RBMXL3: variants seen among roughly 807,000 people sequenced by gnomAD.
The protein encoded by RBMXL3 is RBMX like 3.
In RBMXL3, 2 loss-of-function variants were observed where a neutral mutation model predicts 0.8. The observed-to-expected ratio is 2.54, with a 90% confidence interval of 1.04 to 8.00. RBMXL3 has a LOEUF of 8.00. Among genes scored for constraint, RBMXL3 ranks in the 30% most tolerant of loss-of-function variants. The probability of loss-of-function intolerance (pLI) is 0.04; values close to 1 mark genes in which losing one functional copy is unlikely to be tolerated. For synonymous variants in RBMXL3, 447 were observed against 449.8 expected, an observed-to-expected ratio of 0.99 and a Z score of 0.08; for missense variants, 1,127 against 1,068.0, an observed-to-expected ratio of 1.06 and a Z score of -0.77.
At position 115,192,522 on chromosome X, in the gene RBMXL3, G is replaced by A. The variant is rs1556561473; in HGVS notation, c.3081G>A (p.Leu1027=). ...GCAGACCGGATCGTGGGCTCCCTCT[G>A]CCCATGGAAACGGGCAGCCCTCCCC... ...RVGRPDRGLP[L]PMETGSPPLH... The change falls in exon 1 of 1, where the codon CTG becomes CTA. Residue 1027 remains leucine (L), a synonymous_variant. Coordinates refer to ENST00000424776, the MANE Select transcript of RBMXL3 (RefSeq NM_001145346.2). The A allele has an allele frequency of 1.7e-6, 2 of 1,169,680 alleles. No individual in the cohort carries two copies. The highest frequency in any genetic ancestry group is 3.2e-5 in the East Asian group (1 of 30,835).
rs782276686 is a variant in RBMXL3, at chrX:115,190,384, C to G, written c.943C>G (p.Pro315Ala). The change falls in exon 1 of 1, where the codon CCT becomes GCT. Residue 315 changes from proline to alanine, a missense_variant. Transcript: ENST00000424776. ...CTACGGAGGCCCATGCGGCGCTGCC[C>G]CTGTGTGGGGGACACCGCCATCTTA... ...KSYGGPCGAA[P>A]VWGTPPSYGG... 7 of 1,161,528 alleles carry G rather than the reference C, an allele frequency of 6.0e-6. No individual in the cohort carries two copies. The highest frequency in any genetic ancestry group is 8.0e-6 in the Non-Finnish European group (7 of 870,376).
chrX:115,192,471 C>G lies in RBMXL3; in HGVS notation c.3030C>G (p.Arg1010=), dbSNP rs782151608. The G allele has an allele frequency of 5.6e-5, 66 of 1,169,860 alleles. No individual in the cohort carries two copies. Among genetic ancestry groups the G allele is most frequent in the Non-Finnish European group, 7.0e-5 (61 of 874,693 alleles). ...GCAACAGTTACGGCCGGAGCGACCG[C>G]TACTCGAGGGGTCGAGACCGGGTAG... ...RSSNSYGRSD[R]YSRGRDRVGR... is the part of the protein sequence containing the mutation. The change falls in exon 1 of 1, where the codon CGC becomes CGG. Residue 1010 remains arginine, a synonymous_variant. Transcript: ENST00000424776.
rs1299982141 is a variant in RBMXL3 at position 115,192,850 on chromosome X, G to A, written c.*205G>A. 2 of 432,379 alleles carry A rather than the reference G, an allele frequency of 4.6e-6. No homozygotes were observed. Among genetic ancestry groups the A allele is most frequent in the Non-Finnish European group, 4.1e-6 (1 of 245,577 alleles). The allele number at this position is 432,379 out of a possible 1,213,427, so 35.6% of individuals were successfully genotyped here. A position where few individuals can be genotyped will look rare whatever the true frequency, so the allele number is the denominator to read the frequency against. On this transcript the variant is annotated 3_prime_UTR_variant, in exon 1 of 1. Coordinates refer to ENST00000424776, the MANE Select transcript of RBMXL3 (RefSeq NM_001145346.2). ...TTAATGTTTCTTTCAACAAGTTCTT[G>A]TTAAAAGTATAAGATATGAACCTGA... is the stretch of plus-strand genomic sequence containing the variant.
chrX:115,189,601 G>A lies in RBMXL3; in HGVS notation c.160G>A (p.Val54Ile), dbSNP rs1556556197. 3.4e-6 allele frequency: 4 copies of A among 1,169,925 alleles called. No individual in the cohort carries two copies. Among genetic ancestry groups the A allele is most frequent in the South Asian group, 3.8e-5 (2 of 52,806 alleles). Residue 54 changes from valine (V) to isoleucine (I), a missense_variant, in exon 1 of 1, where the codon GTC becomes ATC. By Grantham distance (29) the Val-to-Ile change is conservative (BLOSUM62 3). Coordinates refer to ENST00000424776, the MANE Select transcript of RBMXL3 (RefSeq NM_001145346.2). ...CAACAAGTCGAGGGGCTTCGCGTTC[G>A]TCACCTTCGAAAGCCCTGCAGACGC... ...KTNKSRGFAF[V>I]TFESPADAKA...
In RBMXL3 at chrX:115,189,832, C is replaced by T. The variant is rs782457452; in HGVS notation, c.391C>T (p.Arg131Cys). 1.4e-5 allele frequency: 16 copies of T among 1,166,286 alleles called. No homozygotes were observed. Among genetic ancestry groups the T allele is most frequent in the Middle Eastern group, 4.7e-4 (2 of 4,294 alleles). The change falls in exon 1 of 1, where the codon CGC (arginine) becomes TGC (cysteine). Residue 131 changes from arginine to cysteine, a missense_variant. Transcript: ENST00000424776. ...PPSQGRPDDG[R>C]GYAGYFDLWP... is the part of the protein sequence containing the mutation. ...CTCTCAGGGCAGGCCTGATGACGGC[C>T]GCGGCTACGCGGGGTATTTCGACCT...
chrX:115,192,329 G>T lies in RBMXL3; in HGVS notation c.2888G>T (p.Gly963Val). Residue 963 changes from glycine to valine, a missense_variant, in exon 1 of 1, where the codon GGC becomes GTC. Coordinates refer to ENST00000424776, the MANE Select transcript of RBMXL3 (RefSeq NM_001145346.2). ...RGPSPDAHSGGRDSSIKSYGL... is the reference protein window; with the variant it reads ...RGPSPDAHSGVRDSSIKSYGL... ...CCCTCGCCTGACGCCCACAGTGGGGGCCGCGACAGTTCCATCAAGAGTTAC... is the reference window on the plus strand; with the variant it reads ...CCCTCGCCTGACGCCCACAGTGGGGTCCGCGACAGTTCCATCAAGAGTTAC... 9.2e-7 allele frequency: 1 copy of T among 1,081,190 alleles called. No individual in the cohort carries two copies. The highest frequency in any genetic ancestry group is 1.2e-6 in the Non-Finnish European group (1 of 809,327). The allele number at this position is 1,081,190 out of a possible 1,213,427, so 89.1% of individuals were successfully genotyped here. A position where few individuals can be genotyped will look rare whatever the true frequency, so the allele number is the denominator to read the frequency against.
Position 115,191,403 on chromosome X carries a change from C to T in RBMXL3, c.1962C>T (p.His654=), listed in dbSNP as rs373728766. 522 of 1,152,703 alleles carry T rather than the reference C, an allele frequency of 4.5e-4. No homozygotes were observed. The African/African-American group carries it at 8.2e-3, about 18-fold the overall frequency. The allele number at this position is 1,152,703 out of a possible 1,213,427, so 95.0% of individuals were successfully genotyped here. A position where few individuals can be genotyped will look rare whatever the true frequency, so the allele number is the denominator to read the frequency against. ...CGCCTGATGCCTACAGTGGGGGCCA[C>T]GACAGTTCTGGCCAGAGCAACTGCT... is the stretch of plus-strand genomic sequence containing the variant. The part of the protein sequence containing the change: ...GRSPDAYSGG[H]DSSGQSNCYG... Residue 654 remains histidine (H), a synonymous_variant, in exon 1 of 1, where the codon CAC becomes CAT. Coordinates refer to ENST00000424776, the MANE Select transcript of RBMXL3 (RefSeq NM_001145346.2).
chrX:115,190,208 T>A lies in RBMXL3; in HGVS notation c.767T>A (p.Leu256His), dbSNP rs1016517358. 2 of 1,166,051 alleles carry A rather than the reference T, an allele frequency of 1.7e-6. No homozygotes were observed. Among genetic ancestry groups the A allele is most frequent in the Non-Finnish European group, 2.3e-6 (2 of 872,112 alleles). The change falls in exon 1 of 1, where the codon CTC becomes CAC. Residue 256 changes from leucine (L) to histidine (H), a missense_variant. By Grantham distance (99) the Leu-to-His change is moderately conservative. Transcript: ENST00000424776. ...CRDPGDFVPA[L>H]RDYSRRYYGH... ...GACCCTGGGGATTTTGTCCCTGCGCTCAGAGACTACAGCCGCCGCTATTAT... is the reference window on the plus strand; with the variant it reads ...GACCCTGGGGATTTTGTCCCTGCGCACAGAGACTACAGCCGCCGCTATTAT...
chrX:115,190,827 C>T lies in RBMXL3; in HGVS notation c.1386C>T (p.Ser462=), dbSNP rs950753970. The T allele has an allele frequency of 8.7e-6, 10 of 1,150,629 alleles. No homozygotes were observed. The highest frequency in any genetic ancestry group is 3.7e-5 in the African/African-American group (2 of 54,596). 94.8% of individuals were successfully genotyped at this position (1,150,629 alleles called of 1,213,427 possible). ...YSGGHDSSSW[S]DCCGGGGRYE... ...GGGGCCATGACAGTTCCAGCTGGAG[C>T]GACTGCTGCGGAGGAGGAGGCCGTT... Residue 462 remains serine, a synonymous_variant, in exon 1 of 1, where the codon AGC becomes AGT. Coordinates refer to ENST00000424776, the MANE Select transcript of RBMXL3 (RefSeq NM_001145346.2).
rs368956926 is a variant in RBMXL3, at chrX:115,191,924, C to T, written c.2483C>T (p.Ala828Val). The change falls in exon 1 of 1, where the codon GCC becomes GTC. Residue 828 changes from alanine to valine, a missense_variant. By Grantham distance (64) the Ala-to-Val change is moderately conservative. Transcript: ENST00000424776. ...GAGAACCGAGGTCACTCTCTCGATG[C>T]CAACAGCGGAGGCCACTCACCCAAC... ...YEENRGHSLDANSGGHSPNAY... is the reference protein window; with the variant it reads ...YEENRGHSLDVNSGGHSPNAY... The T allele has an allele frequency of 2.3e-5, 27 of 1,164,871 alleles. No individual in the cohort carries two copies. In the African/African-American group the frequency reaches 4.2e-4, roughly 18 times the overall value.
In RBMXL3 at chrX:115,191,215, G is replaced by T. The variant is rs200887025; in HGVS notation, c.1774G>T (p.Glu592Ter). ...SNRYGGGGCYEEYRGRSLDAN... is the reference protein window; with the variant it reads ...SNRYGGGGCY The stretch of plus-strand genomic sequence containing the variant: ...CCGCTACGGAGGAGGAGGCTGCTAC[G>T]AGGAGTACCGAGGCCGCTCCCTCGA... Residue 592 changes from glutamate (E) to a stop codon, truncating the protein, a stop_gained, in exon 1 of 1, where the codon GAG (glutamate) becomes TAG (stop). Coordinates refer to ENST00000424776, the MANE Select transcript of RBMXL3 (RefSeq NM_001145346.2). LOFTEE classifies it low-confidence loss of function (END_TRUNC). 11 of 1,154,838 alleles carry T rather than the reference G, an allele frequency of 9.5e-6. No individual in the cohort carries two copies. Among genetic ancestry groups the T allele is most frequent in the African/African-American group, 1.9e-5 (1 of 53,802 alleles).
rs1038984890 is a variant in RBMXL3, at chrX:115,190,599, A to C, written c.1158A>C (p.Glu386Asp). Reference sequence around the variant, plus strand: ...GCCGGAGTGACCGCTACGGAGAAGAAGGCTGCTACGAGGAGTACAGAGGCC... The same window carrying C: ...GCCGGAGTGACCGCTACGGAGAAGACGGCTGCTACGAGGAGTACAGAGGCC... ...GYSRSDRYGE[E>D]GCYEEYRGRS... is the part of the protein sequence containing the mutation. The change falls in exon 1 of 1, where the codon GAA becomes GAC. Residue 386 changes from glutamate to aspartate, a missense_variant. By Grantham distance (45) the Glu-to-Asp change is conservative (BLOSUM62 2). Transcript: ENST00000424776. 3.5e-4 allele frequency: 67 copies of C among 192,417 alleles called. No individual in the cohort carries two copies. The highest frequency in any genetic ancestry group is 1.5e-3 in the Middle Eastern group (1 of 678). 15.9% of individuals were successfully genotyped at this position (192,417 alleles called of 1,213,427 possible).
rs782510943 is a variant in RBMXL3 at position 115,192,075 on chromosome X, C to T, written c.2634C>T (p.Pro878=). Reference sequence around the variant, plus strand: ...ACACCCACAGCAGGGGCCGATCGCCCGATGCCCACAGCGGGGACCACTACA... The same window carrying T: ...ACACCCACAGCAGGGGCCGATCGCCTGATGCCCACAGCGGGGACCACTACA... The part of the protein sequence containing the change: ...SHDTHSRGRS[P]DAHSGDHYTE... The change falls in exon 1 of 1, where the codon CCC becomes CCT. Residue 878 remains proline (P), a synonymous_variant. Coordinates refer to ENST00000424776, the MANE Select transcript of RBMXL3 (RefSeq NM_001145346.2). 6.8e-5 allele frequency: 79 copies of T among 1,163,548 alleles called. No individual in the cohort carries two copies. In the African/African-American group the frequency reaches 8.0e-4, roughly 12 times the overall value.
chrX:115,192,284 G>A lies in RBMXL3; in HGVS notation c.2843G>A (p.Arg948His), dbSNP rs782436881. 30 of 1,159,066 alleles carry A rather than the reference G, an allele frequency of 2.6e-5. No homozygotes were observed. The highest frequency in any genetic ancestry group is 2.9e-5 in the Non-Finnish European group (25 of 869,782). The part of the protein sequence containing the change: ...GRSHRYGGGG[R>H]YEEYRGPSPD... Reference sequence around the variant, plus strand: ...AGCCACCGCTACGGAGGAGGAGGCCGCTACGAGGAGTACCGAGGCCCCTCG... The same window carrying A: ...AGCCACCGCTACGGAGGAGGAGGCCACTACGAGGAGTACCGAGGCCCCTCG... Residue 948 changes from arginine (R) to histidine (H), a missense_variant, in exon 1 of 1, where the codon CGC becomes CAC. Physicochemically the swap from Arg to His is conservative, Grantham distance 29. Transcript: ENST00000424776.
rs1556558953 is a variant in RBMXL3, at chrX:115,191,218, G to A, written c.1777G>A (p.Glu593Lys). 4.3e-6 allele frequency: 5 copies of A among 1,155,763 alleles called. No individual in the cohort carries two copies. The African/African-American group carries it at 5.5e-5, about 13-fold the overall frequency. ...NRYGGGGCYE[E>K]YRGRSLDANS... ...CTACGGAGGAGGAGGCTGCTACGAGGAGTACCGAGGCCGCTCCCTCGATGC... is the reference window on the plus strand; with the variant it reads ...CTACGGAGGAGGAGGCTGCTACGAGAAGTACCGAGGCCGCTCCCTCGATGC... Residue 593 changes from glutamate (E) to lysine (K), a missense_variant, in exon 1 of 1, where the codon GAG becomes AAG. Transcript: ENST00000424776.
In RBMXL3 at chrX:115,189,931, A is replaced by G; in HGVS notation, c.490A>G (p.Arg164Gly). ...PRHWASPPHK[R>G]ATPSSLAHSV... ...GCACTGGGCCAGCCCACCCCACAAG[A>G]GGGCCACGCCGTCGAGCCTGGCTCA... Residue 164 changes from arginine (R) to glycine (G), a missense_variant, in exon 1 of 1, where the codon AGG (arginine) becomes GGG (glycine). Physicochemically the swap from Arg to Gly is moderately radical, Grantham distance 125. Coordinates refer to ENST00000424776, the MANE Select transcript of RBMXL3 (RefSeq NM_001145346.2). 2 of 1,157,682 alleles carry G rather than the reference A, an allele frequency of 1.7e-6. No homozygotes were observed. The highest frequency in any genetic ancestry group is 3.9e-5 in the South Asian group (2 of 51,873).
In RBMXL3 at chrX:115,192,457, G is replaced by A. The variant is rs782199318; in HGVS notation, c.3016G>A (p.Gly1006Ser). 6 of 1,169,484 alleles carry A rather than the reference G, an allele frequency of 5.1e-6. No individual in the cohort carries two copies. Among genetic ancestry groups the A allele is most frequent in the Non-Finnish European group, 6.9e-6 (6 of 873,845 alleles). Residue 1006 changes from glycine to serine, a missense_variant, in exon 1 of 1, where the codon GGC becomes AGC. Coordinates refer to ENST00000424776, the MANE Select transcript of RBMXL3 (RefSeq NM_001145346.2). ...CCACGACAGATCCAGCAACAGTTAC[G>A]GCCGGAGCGACCGCTACTCGAGGGG... ...GDHDRSSNSY[G>S]RSDRYSRGRD... is the part of the protein sequence containing the mutation.
Position 115,190,160 on chromosome X carries a change from G to A in RBMXL3, c.719G>A (p.Arg240Gln), listed in dbSNP as rs1421688178. 8 of 1,165,127 alleles carry A rather than the reference G, an allele frequency of 6.9e-6. No individual in the cohort carries two copies. The highest frequency in any genetic ancestry group is 3.5e-5 in the African/African-American group (2 of 56,512). ...GATGGCTACTCAGGCCCGCGGGTCC[G>A]GGAGCCACTGCCCCCGTGCCGCGAC... is the stretch of plus-strand genomic sequence containing the variant. Reference protein sequence around the residue: ...GQDGYSGPRVREPLPPCRDPG... With the variant: ...GQDGYSGPRVQEPLPPCRDPG... Residue 240 changes from arginine (R) to glutamine (Q), a missense_variant, in exon 1 of 1, where the codon CGG becomes CAG. Arg to Gln is a conservative substitution (Grantham distance 43, BLOSUM62 1). Transcript: ENST00000424776.
Position 115,192,417 on chromosome X carries a change from C to T in RBMXL3, c.2976C>T (p.Asp992=), listed in dbSNP as rs368065328. ...AGGAGTACCAGGGCAGCTTGCCTGA[C>T]GCCTACAGCGGCGACCACGACAGAT... ...HYEEYQGSLP[D]AYSGDHDRSS... The change falls in exon 1 of 1, where the codon GAC becomes GAT. Residue 992 remains aspartate, a synonymous_variant. Coordinates refer to ENST00000424776, the MANE Select transcript of RBMXL3 (RefSeq NM_001145346.2). 2.9e-4 allele frequency: 334 copies of T among 1,165,362 alleles called. 1 individual carries two copies. In the South Asian group the frequency reaches 5.1e-3, roughly 18 times the overall value.
Sources: allele counts gnomAD v4.1 joint callset, GRCh38; gene constraint gnomAD v4.1.1; transcripts MANE v1.5; gene names NCBI Gene and HGNC (gene_info 2026-07-23, HGNC 2026-07-21).